TRHDE: variants seen among roughly 807,000 people sequenced by gnomAD.
The protein encoded by TRHDE is thyrotropin releasing hormone degrading enzyme.
A neutral mutation model predicts 125.7 loss-of-function variants in TRHDE; 72 were observed. That is an observed-to-expected ratio of 0.57 (90% CI 0.47 to 0.70). TRHDE has a LOEUF of 0.70. Among genes scored for constraint, TRHDE ranks in the 30% least tolerant of loss-of-function variants. The pLI is 0.00. For synonymous variants in TRHDE, 509 were observed against 509.1 expected (o/e 1.00, Z 0.00); for missense variants, 1,110 against 1,327.1 (o/e 0.84, Z 2.54).
chr12:72,108,577 T>C (rs546733201), intron 2 of TRHDE, among the ~76,000 whole-genome samples: 3 of 152,212 alleles, frequency 2.0e-5, no homozygotes, highest in African/African-American at 7.2e-5. Flanking sequence ...GAAAGTTGCA[T>C]TAATGGAGGG....
rs548871770 is a variant in TRHDE at position 72,520,508 on chromosome 12, G to A, written c.1722+20873G>A. On this transcript the variant is annotated intron_variant, in intron 6 of 18. Coordinates refer to ENST00000261180, the MANE Select transcript of TRHDE (RefSeq NM_013381.3). ...CCTCGCCCTGCTTCTGCTTGCGCAC[G>A]GTGCGCGCACCCACTGACCTGCGCC... Among the ~76,000 whole-genome samples, 33 of 149,750 alleles carry A rather than the reference G, an allele frequency of 2.2e-4. No homozygotes were observed. In the Middle Eastern group the frequency reaches 0.01, roughly 46 times the overall value.
chr12:72,087,685 G>A (rs935493300), intron 1 of TRHDE, among the ~76,000 whole-genome samples: 6 of 152,212 alleles, frequency 3.9e-5, no homozygotes, highest in African/African-American at 9.6e-5. Flanking sequence ...GTGCAGTGGC[G>A]GCAGTGGGTG....
chr12:72,562,207 G>A lies in TRHDE; in HGVS notation c.1831G>A (p.Asp611Asn). The change falls in exon 8 of 19, where the codon GAT becomes AAT. Residue 611 changes from aspartate (D) to asparagine (N), a missense_variant. Asp to Asn is a conservative substitution (Grantham distance 23). This residue lies in a region of TRHDE where 527 missense variants were observed against 651.8 expected (regional missense o/e 0.81). Coordinates refer to ENST00000261180, the MANE Select transcript of TRHDE (RefSeq NM_013381.3). ...TAAGTATGGTAATGCAGCCAGAAATGATCTCTGGAATACATTATCGGAGGT... is the reference window on the plus strand; with the variant it reads ...TAAGTATGGTAATGCAGCCAGAAATAATCTCTGGAATACATTATCGGAGGT... ...IHKYGNAARN[D>N]LWNTLSEALK... 1 of 1,561,134 alleles carries A rather than the reference G, an allele frequency of 6.4e-7. No homozygotes were observed. The highest frequency in any genetic ancestry group is 1.7e-4 in the Middle Eastern group (1 of 5,778).
intron 2 of TRHDE, among the ~76,000 whole-genome samples, chr12:72,191,394 T>C (rs1320661528): frequency 6.6e-6 from 1 of 152,212 alleles, no homozygotes; most frequent in Non-Finnish European, 1.5e-5. Context: ...ACCTTCAGTT[T>C]CCACAGCCCT....
intron 2 of TRHDE, chr12:72,262,681 A>G (rs1047832354): frequency 2.0e-5 from 3 of 152,194 alleles, no homozygotes; most frequent in African/African-American, 7.2e-5. Context: ...TATCACAGAA[A>G]GTATTGTAAA....
chr12:72,632,849 C>T (rs1873556024), intron 15 of TRHDE, among the ~76,000 whole-genome samples: 1 of 151,250 alleles, frequency 6.6e-6, no homozygotes, highest in Admixed American at 6.6e-5. Flanking sequence ...TTTTTGGCCT[C>T]TGTGCATTTC....
Position 72,667,193 on chromosome 12 carries a change from C to A in TRHDE, c.*3998C>A, listed in dbSNP as rs1319651491. On this transcript the variant is annotated 3_prime_UTR_variant, in exon 19 of 19. Transcript: ENST00000261180. ...CTGGCAATTAGAATTTTAAGGAATT[C>A]TTTTCTAAGAAGTTGGAGAACCTAA... 3 of 151,870 alleles carry A rather than the reference C, an allele frequency of 2.0e-5. No homozygotes were observed. Among genetic ancestry groups the A allele is most frequent in the African/African-American group, 4.8e-5 (2 of 41,390 alleles). The allele number at this position is 151,870 out of a possible 1,614,324, so 9.4% of individuals were successfully genotyped here.
intron 12 of TRHDE, among the ~76,000 whole-genome samples, chr12:72,612,807 A>C (rs1872682108): frequency 6.6e-6 from 1 of 152,170 alleles, no homozygotes; most frequent in Non-Finnish European, 1.5e-5. Context: ...TTTTTGACCA[A>C]ATAACTGACA....
intron 5 of TRHDE, among the ~76,000 whole-genome samples, chr12:72,493,237 T>C (rs923073337): frequency 6.6e-6 from 1 of 151,938 alleles, no homozygotes; most frequent in Admixed American, 6.6e-5. Flanking sequence ...AAGAATAGGA[T>C]ATTACATAAA....
At chr12:72,229,633 A>C (rs1223839872) in intron 2 of TRHDE, among the ~76,000 whole-genome samples, 1 of 152,216 alleles carries the variant, frequency 6.6e-6, no homozygotes, top group African/African-American at 2.4e-5. Context: ...AATTCAGTAG[A>C]TGTAATATAT....
At chr12:72,621,036 A>G in intron 13 of TRHDE, 72 bp from the exon 14 acceptor site, 1 of 704,344 alleles carries the variant, frequency 1.4e-6, no homozygotes. Context: ...TAATTTTATT[A>G]CAGAATTTTA....
At chr12:72,640,695 T>C (rs1245387071) in intron 15 of TRHDE, among the ~76,000 whole-genome samples, 1 of 152,228 alleles carries the variant, frequency 6.6e-6, no homozygotes, top group Non-Finnish European at 1.5e-5. Flanking sequence ...TCTGCATCGC[T>C]CATGCTGGGA....
chr12:72,217,856 A>T (rs1181496657), intron 2 of TRHDE, among the ~76,000 whole-genome samples: 1 of 152,182 alleles, frequency 6.6e-6, no homozygotes, highest in African/African-American at 2.4e-5. Flanking sequence ...TATTGCACTT[A>T]TCTTACAGAA....
intron 6 of TRHDE, among the ~76,000 whole-genome samples, chr12:72,529,412 C>G (rs1461898977): frequency 6.6e-6 from 1 of 152,098 alleles, no homozygotes; most frequent in Non-Finnish European, 1.5e-5. Flanking sequence ...CCTCTAATCC[C>G]TTTCTTAACC....
At chr12:72,442,661 T>C (rs1231450616) in intron 3 of TRHDE, among the ~76,000 whole-genome samples, 3 of 151,792 alleles carry the variant, frequency 2.0e-5, no homozygotes, top group Non-Finnish European at 4.4e-5. Flanking sequence ...TTGCAGTAGA[T>C]CCAAACAGCA....
chr12:72,278,891 G>T (rs1429694418), intron 1 of TRHDE, among the ~76,000 whole-genome samples: 3 of 152,122 alleles, frequency 2.0e-5, no homozygotes, highest in African/African-American at 7.2e-5. Flanking sequence ...CATTCTATAG[G>T]TTGTCTTTTT....
At chr12:72,233,768 T>C (rs992626124) in intron 2 of TRHDE, among the ~76,000 whole-genome samples, 12 of 152,152 alleles carry the variant, frequency 7.9e-5, no homozygotes, top group African/African-American at 2.7e-4. Context: ...TCTAGATAAA[T>C]AAAAACTCTG....
chr12:72,153,558 C>G (rs1037989709), intron 2 of TRHDE, among the ~76,000 whole-genome samples: 1 of 152,208 alleles, frequency 6.6e-6, no homozygotes, highest in African/African-American at 2.4e-5. Context: ...CCTCTACACA[C>G]TGCTTTGAAT....
At chr12:72,304,864 T>C (rs1868316687) in intron 2 of TRHDE, among the ~76,000 whole-genome samples, 1 of 152,176 alleles carries the variant, frequency 6.6e-6, no homozygotes. Flanking sequence ...TGGTAAGCAA[T>C]TCATAGCATG....
Sources: gnomAD v4.1 joint callset for allele counts (sites outside exome capture counted in the v4.1 genomes callset) on GRCh38, gnomAD v4.1.1 for gene constraint, gnomAD v4.1.1 regional missense constraint, MANE v1.5 for transcripts, NCBI Gene and HGNC (gene_info 2026-07-23, HGNC 2026-07-21) for gene names.